Variants in REDIC1 observed in about 807,000 individuals in gnomAD.
The protein encoded by REDIC1 is HEI10 Interacting Protein 1.
At chr12:39,705,046 CA>C in the REDIC1 span, among the ~76,000 whole-genome samples, 3 of 151,622 alleles carry the variant, frequency 2.0e-5, no homozygotes, top group African/African-American at 7.3e-5. Context: ...ACAATGTGCA[CA>C]TGTACCCTAA....
chr12:39,728,780 C>T, the REDIC1 span, among the ~76,000 whole-genome samples: 434 of 92,026 alleles, frequency 4.7e-3, no homozygotes, highest in South Asian at 7.2e-3. Flanking sequence ...TGGTCCTGGG[C>T]TTTTTTTTTT....
At chr12:39,750,622 G>A in the REDIC1 span, among the ~76,000 whole-genome samples, 1 of 152,118 alleles carries the variant, frequency 6.6e-6, no homozygotes, top group Non-Finnish European at 1.5e-5. Flanking sequence ...TAAGCCAAAA[G>A]AACAAAGCTG....
At chr12:39,869,602 T>C in the REDIC1 span, among the ~76,000 whole-genome samples, 1 of 152,152 alleles carries the variant, frequency 6.6e-6, no homozygotes, top group Admixed American at 6.5e-5. Context: ...AAAGTGCCTA[T>C]AGGTTGCTCA....
the REDIC1 span, among the ~76,000 whole-genome samples, chr12:39,670,102 C>T: frequency 6.6e-6 from 1 of 152,170 alleles, no homozygotes; most frequent in South Asian, 2.1e-4. Context: ...CCCGGTACCT[C>T]AGTTGGAAAT....
the REDIC1 span, chr12:39,640,945 C>T: frequency 9.3e-6 from 15 of 1,607,398 alleles, no homozygotes; most frequent in Middle Eastern, 1.7e-4. Context: ...TATTCTGCTG[C>T]TTTTTTCAGG....
At chr12:39,660,070 G>A in the REDIC1 span, among the ~76,000 whole-genome samples, 3 of 151,890 alleles carry the variant, frequency 2.0e-5, no homozygotes, top group African/African-American at 7.3e-5. Flanking sequence ...CACTCTAGAG[G>A]GTGGAATCAA....
chr12:39,894,198 C>T, the REDIC1 span, among the ~76,000 whole-genome samples: 2 of 152,118 alleles, frequency 1.3e-5, no homozygotes, highest in Admixed American at 6.6e-5. Flanking sequence ...ACTCTGCAAA[C>T]TTTCAAGTGT....
chr12:39,680,075 C>T, the REDIC1 span, among the ~76,000 whole-genome samples: 68 of 152,018 alleles, frequency 4.5e-4, no homozygotes, highest in African/African-American at 1.5e-3. Flanking sequence ...TTGGCTTAGG[C>T]GAAGAATTCA....
At chr12:39,853,607 C>CTT in the REDIC1 span, among the ~76,000 whole-genome samples, 806 of 136,184 alleles carry the variant, frequency 5.9e-3, 30 homozygotes, top group Admixed American at 0.052. Flanking sequence ...TTCTTTCTTT[C>CTT]TTTTTTTTTT....
chr12:39,648,065 C>A, the REDIC1 span: 1 of 942,422 alleles, frequency 1.1e-6, no homozygotes, highest in Admixed American at 3.6e-5. Flanking sequence ...AAAATATTTA[C>A]ATTTTGAATT....
chr12:39,726,269 G>A, the REDIC1 span, among the ~76,000 whole-genome samples: 2 of 151,802 alleles, frequency 1.3e-5, no homozygotes, highest in South Asian at 2.1e-4. Context: ...CCATCAACCA[G>A]TCATCTACAT....
chr12:39,690,003 G>A, the REDIC1 span, among the ~76,000 whole-genome samples: 1 of 152,200 alleles, frequency 6.6e-6, no homozygotes, highest in African/African-American at 2.4e-5. Flanking sequence ...AGCAGGTATG[G>A]GGACTTTAAA....
At chr12:39,706,497 A>G in the REDIC1 span, among the ~76,000 whole-genome samples, 1 of 152,096 alleles carries the variant, frequency 6.6e-6, no homozygotes, top group African/African-American at 2.4e-5. Context: ...AGAATAGCCT[A>G]AGTTATCCTA....
At chr12:39,897,950 C>T in the REDIC1 span, among the ~76,000 whole-genome samples, 5 of 152,082 alleles carry the variant, frequency 3.3e-5, no homozygotes, top group Middle Eastern at 0.01. Context: ...TACAATAATA[C>T]ATGTAAGTTT....
chr12:39,851,190 G>A, the REDIC1 span, among the ~76,000 whole-genome samples: 68 of 152,232 alleles, frequency 4.5e-4, no homozygotes, highest in African/African-American at 1.5e-3. Context: ...ATGAGTCACC[G>A]TGTCCAGCCA....
At chr12:39,739,295 C>A in the REDIC1 span, among the ~76,000 whole-genome samples, 2 of 152,138 alleles carry the variant, frequency 1.3e-5, no homozygotes, top group Admixed American at 1.3e-4. Context: ...ATGGGAGATA[C>A]AAATTAGTTG....
chr12:39,775,694 C>T, the REDIC1 span, among the ~76,000 whole-genome samples: 7 of 152,216 alleles, frequency 4.6e-5, no homozygotes, highest in East Asian at 3.9e-4. Flanking sequence ...ACTACAAATA[C>T]TGCCAGAGAA....
the REDIC1 span, among the ~76,000 whole-genome samples, chr12:39,875,337 C>A: frequency 6.6e-6 from 1 of 152,202 alleles, no homozygotes; most frequent in Admixed American, 6.5e-5. Context: ...TTTGTCAAGT[C>A]CCTCTCATGC....
At chr12:39,722,038 T>C in the REDIC1 span, 3 of 152,264 alleles carry the variant, frequency 2.0e-5, no homozygotes, top group East Asian at 5.8e-4. Context: ...TACTCTAAAA[T>C]TGACACTTGT....
Sources: allele counts gnomAD v4.1 joint callset (sites outside exome capture counted in the v4.1 genomes callset), GRCh38; gene constraint gnomAD v4.1.1; transcripts MANE v1.5; gene names NCBI Gene and HGNC (gene_info 2026-07-23, HGNC 2026-07-21).